Variants in MACROD2 observed in about 807,000 individuals in gnomAD.
MACROD2 encodes mono-ADP ribosylhydrolase 2, also known as ADP-ribose glycohydrolase MACROD2.
In MACROD2, 36 loss-of-function variants were observed where a neutral mutation model predicts 70.4. The observed-to-expected ratio is 0.51, with a 90% confidence interval of 0.39 to 0.68. The LOEUF (loss-of-function observed/expected upper bound fraction) is 0.68. Among genes scored for constraint, MACROD2 ranks in the 30% least tolerant of loss-of-function variants. MACROD2 has a pLI of 0.00. For synonymous variants in MACROD2, 172 were observed against 178.8 expected (o/e 0.96, Z 0.30); for missense variants, 496 against 538.4 (o/e 0.92, Z 0.78).
chr20:16,004,994 C>G (rs2066768499), intron 15 of MACROD2, among the ~76,000 whole-genome samples: 1 of 152,190 alleles, frequency 6.6e-6, no homozygotes, highest in South Asian at 2.1e-4. Context: ...TATTCTTGAG[C>G]AAAGCACATC....
At chr20:15,308,907 G>T (rs982499030) in intron 6 of MACROD2, among the ~76,000 whole-genome samples, 2 of 152,080 alleles carry the variant, frequency 1.3e-5, no homozygotes, top group Non-Finnish European at 1.5e-5. Context: ...CTTGTGCTTT[G>T]CTGTTCTCCC....
intron 6 of MACROD2, among the ~76,000 whole-genome samples, chr20:15,394,476 A>G (rs1351110074): frequency 2.6e-5 from 4 of 152,214 alleles, no homozygotes; most frequent in Admixed American, 1.3e-4. Context: ...ACAAAAGGGC[A>G]CAATGTTTTA....
intron 5 of MACROD2, among the ~76,000 whole-genome samples, chr20:15,196,632 C>T (rs2076608691): frequency 6.6e-6 from 1 of 152,208 alleles, no homozygotes; most frequent in African/African-American, 2.4e-5. Context: ...AAGCCAAACA[C>T]TACTCTGCAA....
chr20:14,820,046 C>T (rs2072823284), intron 5 of MACROD2, among the ~76,000 whole-genome samples: 3 of 152,006 alleles, frequency 2.0e-5, no homozygotes, highest in Admixed American at 2.0e-4. Context: ...CGGAGTGCTG[C>T]TGGTGAAGGT....
chr20:14,990,262 T>C (rs2074889596), intron 5 of MACROD2, among the ~76,000 whole-genome samples: 2 of 152,098 alleles, frequency 1.3e-5, no homozygotes, highest in South Asian at 4.1e-4. Context: ...AGATAAAAAA[T>C]GTTGCCTTTG....
intron 4 of MACROD2, among the ~76,000 whole-genome samples, chr20:14,683,099 G>A (rs1174675498): frequency 1.3e-5 from 2 of 152,004 alleles, no homozygotes; most frequent in South Asian, 2.1e-4. Flanking sequence ...GGCTGGTCTC[G>A]AACATCTGAC....
Position 15,711,934 on chromosome 20 carries a change from A to G in MACROD2, c.646-150811A>G, listed in dbSNP as rs781052324. On this transcript the variant is annotated intron_variant, in intron 8 of 17. Transcript: ENST00000684519. ...TTTCCTCTTCAGCCCCCTGGGTTTCAAGCATTTGATTTGAATTTTTTTCCC... is the reference window on the plus strand; with the variant it reads ...TTTCCTCTTCAGCCCCCTGGGTTTCGAGCATTTGATTTGAATTTTTTTCCC... 5.3e-5 allele frequency among the ~76,000 whole-genome samples: 8 copies of G among 152,278 alleles called. No homozygotes were observed. In the South Asian group the frequency reaches 1.7e-3, roughly 32 times the overall value.
At chr20:14,294,391 C>T (rs973425978) in intron 3 of MACROD2, among the ~76,000 whole-genome samples, 1 of 151,088 alleles carries the variant, frequency 6.6e-6, no homozygotes, top group East Asian at 1.9e-4. Flanking sequence ...TTACAATCTT[C>T]TGACAGACCT....
intron 5 of MACROD2, among the ~76,000 whole-genome samples, chr20:14,705,948 A>G (rs1346414819): frequency 2.0e-5 from 3 of 151,506 alleles, no homozygotes; most frequent in Non-Finnish European, 4.4e-5. Context: ...GTACAGAATA[A>G]GCCTGATTTT....
rs116799061 is a variant in MACROD2, at chr20:14,139,876, G to A, written c.271+54148G>A. Reference sequence around the variant, plus strand: ...CACATCTGACTTCATGTGAAGGGTCGCAGTCAAAATGTAGGCACACAACAC... The same window carrying A: ...CACATCTGACTTCATGTGAAGGGTCACAGTCAAAATGTAGGCACACAACAC... On this transcript the variant is annotated intron_variant, in intron 3 of 17. Coordinates refer to ENST00000684519, the MANE Select transcript of MACROD2 (RefSeq NM_001351661.2). Among the ~76,000 whole-genome samples the A allele has an allele frequency of 5.0e-3, 754 of 152,190 alleles. 10 individuals are homozygous for A. The highest frequency in any genetic ancestry group is 0.017 in the African/African-American group (722 of 41,530).
chr20:15,020,378 G>GA (rs1395999954), intron 5 of MACROD2, among the ~76,000 whole-genome samples: 4 of 152,096 alleles, frequency 2.6e-5, no homozygotes, highest in African/African-American at 7.2e-5. Context: ...AGATCTATCT[G>GA]AAAAAATTTA....
chr20:15,330,539 A>G (rs1383301906), intron 6 of MACROD2, among the ~76,000 whole-genome samples: 1 of 151,532 alleles, frequency 6.6e-6, no homozygotes, highest in Non-Finnish European at 1.5e-5. Flanking sequence ...TTATAAGCAG[A>G]CCATTTCCAG....
intron 5 of MACROD2, among the ~76,000 whole-genome samples, chr20:14,934,749 G>T (rs1362338436): frequency 2.0e-5 from 3 of 152,080 alleles, no homozygotes; most frequent in Non-Finnish European, 4.4e-5. Flanking sequence ...TTGTACCACT[G>T]CACTCTAGCC....
chr20:15,294,362 C>T (rs921606709), intron 6 of MACROD2, among the ~76,000 whole-genome samples: 16 of 152,250 alleles, frequency 1.1e-4, no homozygotes, highest in Admixed American at 4.6e-4. Flanking sequence ...GCATTCAAAC[C>T]CCCAGTTATT....
chr20:15,298,687 GGTT>G (rs2077613808), intron 6 of MACROD2, among the ~76,000 whole-genome samples: 1 of 152,226 alleles, frequency 6.6e-6, no homozygotes, highest in African/African-American at 2.4e-5. Flanking sequence ...TCACACCAAT[GGTT>G]GTTGGTTACA....
chr20:14,612,912 T>C (rs1292394265), intron 4 of MACROD2, among the ~76,000 whole-genome samples: 1 of 152,112 alleles, frequency 6.6e-6, no homozygotes, highest in Non-Finnish European at 1.5e-5. Flanking sequence ...TATATCTACA[T>C]CCCATTGTAC....
At chr20:14,001,121 T>G (rs2052728279) in intron 1 of MACROD2, among the ~76,000 whole-genome samples, 1 of 152,122 alleles carries the variant, frequency 6.6e-6, no homozygotes. Flanking sequence ...TAGGGTGTAG[T>G]CTTTGATTAA....
At chr20:15,849,602 A>C (rs569541806) in intron 8 of MACROD2, among the ~76,000 whole-genome samples, 10 of 152,298 alleles carry the variant, frequency 6.6e-5, no homozygotes, top group African/African-American at 2.4e-4. Flanking sequence ...TGGCTTTATA[A>C]AGCACTATCC....
intron 3 of MACROD2, among the ~76,000 whole-genome samples, chr20:14,328,144 T>C (rs2082769147): frequency 6.6e-6 from 1 of 152,146 alleles, no homozygotes; most frequent in African/African-American, 2.4e-5. Flanking sequence ...TGATTATTAA[T>C]GTCATTTCAT....
Sources: gnomAD v4.1 joint callset for allele counts (sites outside exome capture counted in the v4.1 genomes callset) on GRCh38, gnomAD v4.1.1 for gene constraint, MANE v1.5 for transcripts, NCBI Gene and HGNC (gene_info 2026-07-23, HGNC 2026-07-21) for gene names.